DCPS: variants seen among roughly 807,000 people sequenced by gnomAD.
DCPS encodes the protein m7GpppX diphosphatase.
A neutral mutation model predicts 34.7 loss-of-function variants in DCPS; 27 were observed. The ratio of observed to expected loss-of-function variants is 0.78; its 90% CI spans 0.57 to 1.07. The LOEUF (loss-of-function observed/expected upper bound fraction) is 1.07, where lower values mean the gene tolerates loss of function less well. Ranked by LOEUF, DCPS falls within the 50% of genes least tolerant of loss-of-function variation. The pLI, the probability that DCPS is intolerant of heterozygous loss-of-function variation, is 0.00. For missense variants in DCPS, 464 were observed against 436.9 expected, an observed-to-expected ratio of 1.06 and a Z score of -0.55; for synonymous variants, 185 against 185.7, an observed-to-expected ratio of 1.00 and a Z score of 0.03.
In DCPS at chr11:126,349,585, G is replaced by A. The variant is rs751015515; in HGVS notation, c.*3972G>A. 4.3e-4 allele frequency among the ~76,000 whole-genome samples: 65 copies of A among 152,050 alleles called. No homozygotes were observed. Among genetic ancestry groups the A allele is most frequent in the Non-Finnish European group, 8.2e-4 (56 of 68,020 alleles). Reference sequence around the variant, plus strand: ...ATGTCCCTGTTGAATACAGATCCCCGAACTGAGAAATAAGAAACAACTACA... The same window carrying A: ...ATGTCCCTGTTGAATACAGATCCCCAAACTGAGAAATAAGAAACAACTACA... On this transcript the variant is annotated 3_prime_UTR_variant, in exon 6 of 6. Coordinates refer to ENST00000263579, the MANE Select transcript of DCPS (RefSeq NM_014026.6). This position sits in a 1 kb window ranked among gnomAD's most constrained non-coding sequence, Gnocchi z 5.4.
rs146532698 is a variant in DCPS at position 126,315,958 on chromosome 11, C to T, written c.376+9214C>T. On this transcript the variant is annotated intron_variant, in intron 2 of 5. Coordinates refer to ENST00000263579, the MANE Select transcript of DCPS (RefSeq NM_014026.6). The surrounding 1 kb of genome is among the most constrained non-coding windows in gnomAD (Gnocchi z 6.1). ...AAACTCCTGACCTCAAGTGATCTGC[C>T]CACCTCACCCTTTCAAAGTGCTGGG... 6.6e-6 allele frequency among the ~76,000 whole-genome samples: 1 copy of T among 152,096 alleles called. No homozygotes were observed. Among genetic ancestry groups the T allele is most frequent in the East Asian group, 1.9e-4 (1 of 5,180 alleles).
Position 126,348,635 on chromosome 11 carries a change from A to G in DCPS, c.*3022A>G, listed in dbSNP as rs1331387547. On this transcript the variant is annotated 3_prime_UTR_variant, in exon 6 of 6. Transcript: ENST00000263579. This position sits in a 1 kb window ranked among gnomAD's most constrained non-coding sequence, Gnocchi z 5.3. ...CTGTCTTTATTAGGGTGACCTTCAT[A>G]TCAGACTCCCAGGTAACTCAAGATG... 6.6e-6 allele frequency among the ~76,000 whole-genome samples: 1 copy of G among 152,212 alleles called. No individual in the cohort carries two copies. The highest frequency in any genetic ancestry group is 1.5e-5 in the Non-Finnish European group (1 of 68,030).
At chr11:126,326,309 G>A (rs2135322760) in intron 2 of DCPS, among the ~76,000 whole-genome samples, 1 of 152,260 alleles carries the variant, frequency 6.6e-6, no homozygotes, top group East Asian at 1.9e-4. Flanking sequence ...AAGGCCACCG[G>A]GCCTCTTCTG....
chr11:126,338,730 C>T lies in DCPS; in HGVS notation c.636+331C>T, dbSNP rs774275918. ...TGCTTCCACCCGCATCTGGAGCCCT[C>T]GGGTGGGGTGTTTCCATTTTCTCCA... On this transcript the variant is annotated intron_variant, in intron 4 of 5. Coordinates refer to ENST00000263579, the MANE Select transcript of DCPS (RefSeq NM_014026.6). The surrounding 1 kb of genome is among the most constrained non-coding windows in gnomAD (Gnocchi z 5.4). Among the ~76,000 whole-genome samples the T allele has an allele frequency of 6.6e-6, 1 of 152,206 alleles. No individual in the cohort carries two copies. Among genetic ancestry groups the T allele is most frequent in the South Asian group, 2.1e-4 (1 of 4,834 alleles).
intron 2 of DCPS, among the ~76,000 whole-genome samples, chr11:126,326,193 C>G (rs1951737228): frequency 6.6e-6 from 1 of 152,182 alleles, no homozygotes; most frequent in South Asian, 2.1e-4. Context: ...AGTTCTCTGG[C>G]TACCAGGAAG....
At position 126,304,164 on chromosome 11, in the gene DCPS, G is replaced by A; in HGVS notation, c.84G>A (p.Lys28=). 6.2e-7 allele frequency: 1 copy of A among 1,614,242 alleles called. No individual in the cohort carries two copies. Residue 28 remains lysine (K), a synonymous_variant, in exon 1 of 6, where the codon AAG becomes AAA. Transcript: ENST00000263579. ...EEAHAASTEE[K]EAGVGNGTCA... ...CCCACGCCGCCAGCACAGAGGAAAAGGAGGCAGGAGTTGGAAATGGTACCT... is the reference window on the plus strand; with the variant it reads ...CCCACGCCGCCAGCACAGAGGAAAAAGAGGCAGGAGTTGGAAATGGTACCT...
Position 126,325,714 on chromosome 11 carries a change from C to A in DCPS, c.377-5691C>A, listed in dbSNP as rs1951734314. 1.3e-5 allele frequency among the ~76,000 whole-genome samples: 2 copies of A among 152,162 alleles called. No individual in the cohort carries two copies. The highest frequency in any genetic ancestry group is 4.8e-5 in the African/African-American group (2 of 41,444). On this transcript the variant is annotated intron_variant, in intron 2 of 5. Coordinates refer to ENST00000263579, the MANE Select transcript of DCPS (RefSeq NM_014026.6). This position sits in a 1 kb window ranked among gnomAD's most constrained non-coding sequence, Gnocchi z 4.3. ...AAAAGACAAACACAGTGTTAAAAAG[C>A]ATGACAGGGGAACTCTGTAAGGAGT...
At chr11:126,339,842 C>T (rs1448823622) in intron 4 of DCPS, among the ~76,000 whole-genome samples, 1 of 152,200 alleles carries the variant, frequency 6.6e-6, no homozygotes, top group Non-Finnish European at 1.5e-5. Flanking sequence ...CCCCATCTGT[C>T]TTGTGGGGCT....
chr11:126,307,392 G>T (rs1951579247), intron 2 of DCPS, among the ~76,000 whole-genome samples: 1 of 151,658 alleles, frequency 6.6e-6, no homozygotes, highest in African/African-American at 2.4e-5. Context: ...GGGAGAGAGT[G>T]TGATTCATGG....
chr11:126,338,183 T>C lies in DCPS; in HGVS notation c.523-103T>C. ...GCGTGGCGGCCTTTTATGGCTTGGT[T>C]CTGTCTCCTGGAGAGGCCAGGGAAT... is the stretch of plus-strand genomic sequence containing the variant. On this transcript the variant is annotated intron_variant, in intron 3 of 5. Coordinates refer to ENST00000263579, the MANE Select transcript of DCPS (RefSeq NM_014026.6). The surrounding 1 kb of genome is among the most constrained non-coding windows in gnomAD (Gnocchi z 5.4). The C allele has an allele frequency of 1.8e-6, 2 of 1,093,568 alleles. No homozygotes were observed. Among genetic ancestry groups the C allele is most frequent in the Non-Finnish European group, 2.7e-6 (2 of 737,432 alleles). The allele number at this position is 1,093,568 out of a possible 1,614,324, so 67.7% of individuals were successfully genotyped here. A position where few individuals can be genotyped will look rare whatever the true frequency, so the allele number is the denominator to read the frequency against.
At position 126,313,653 on chromosome 11, in the gene DCPS, C is replaced by T. The variant is rs1951635148; in HGVS notation, c.376+6909C>T. 6.6e-6 allele frequency among the ~76,000 whole-genome samples: 1 copy of T among 152,078 alleles called. No homozygotes were observed. The highest frequency in any genetic ancestry group is 2.1e-4 in the South Asian group (1 of 4,826). On this transcript the variant is annotated intron_variant, in intron 2 of 5. Transcript: ENST00000263579. This position sits in a 1 kb window ranked among gnomAD's most constrained non-coding sequence, Gnocchi z 4.9. ...ACAATATACTGCCTAGGGATGCATA[C>T]ATGTGTAATAAGACTATGAGGACAA...
In DCPS at chr11:126,347,041, C is replaced by T. The variant is rs762036175; in HGVS notation, c.*1428C>T. ...GGAGGCGGAGGTTGCCGTGAGCCAC[C>T]GCACTTTGGCCTGGGTGACAGAGCA... On this transcript the variant is annotated 3_prime_UTR_variant, in exon 6 of 6. Transcript: ENST00000263579. The surrounding 1 kb of genome is among the most constrained non-coding windows in gnomAD (Gnocchi z 4.2). Among the ~76,000 whole-genome samples, 1 of 151,534 alleles carries T rather than the reference C, an allele frequency of 6.6e-6. No homozygotes were observed. Among genetic ancestry groups the T allele is most frequent in the Non-Finnish European group, 1.5e-5 (1 of 67,928 alleles).
intron 2 of DCPS, among the ~76,000 whole-genome samples, chr11:126,308,751 T>C (rs1464088160): frequency 9.0e-6 from 1 of 111,542 alleles, no homozygotes; most frequent in Non-Finnish European, 1.7e-5. Context: ...TTGGCCAAAA[T>C]TCAGAAGGTT....
intron 1 of DCPS, among the ~76,000 whole-genome samples, chr11:126,305,089 C>A (rs1458608392): frequency 6.6e-6 from 1 of 152,128 alleles, no homozygotes; most frequent in Non-Finnish European, 1.5e-5. Context: ...CTGTGTGTAT[C>A]TGGTTTTTAA....
chr11:126,342,827 C>T lies in DCPS; in HGVS notation c.637-480C>T, dbSNP rs1030850086. Among the ~76,000 whole-genome samples the T allele has an allele frequency of 1.3e-5, 2 of 152,124 alleles. No individual in the cohort carries two copies. The highest frequency in any genetic ancestry group is 4.8e-5 in the African/African-American group (2 of 41,394). ...GGGCGCGGTGGCTCACGCCTGTAAT[C>T]CCAGCACTTTGGGAGGCCGAGGCAG... On this transcript the variant is annotated intron_variant, in intron 4 of 5. Transcript: ENST00000263579. The surrounding 1 kb of genome is among the most constrained non-coding windows in gnomAD (Gnocchi z 4.4).
rs946555541 is a variant in DCPS, at chr11:126,328,850, T to G, written c.377-2555T>G. On this transcript the variant is annotated intron_variant, in intron 2 of 5. Transcript: ENST00000263579. This position sits in a 1 kb window ranked among gnomAD's most constrained non-coding sequence, Gnocchi z 6.6. ...TGTGAGGCACTTCCTGAATCTTTCC[T>G]TCTACTGACTCGTTTAATTCTCCCA... Among the ~76,000 whole-genome samples, 1 of 152,212 alleles carries G rather than the reference T, an allele frequency of 6.6e-6. No homozygotes were observed. The highest frequency in any genetic ancestry group is 2.4e-5 in the African/African-American group (1 of 41,454).
rs1412031619 is a variant in DCPS at position 126,347,331 on chromosome 11, C to T, written c.*1718C>T. ...CTCTGCCTCCTGGGTTCAAGTGATT[C>T]TCCTGCCTCAGCCTCCTGAGTAGCT... On this transcript the variant is annotated 3_prime_UTR_variant, in exon 6 of 6. Transcript: ENST00000263579. The surrounding 1 kb of genome is among the most constrained non-coding windows in gnomAD (Gnocchi z 4.2). 6.7e-6 allele frequency among the ~76,000 whole-genome samples: 1 copy of T among 150,290 alleles called. No individual in the cohort carries two copies. The highest frequency in any genetic ancestry group is 2.1e-4 in the East Asian group (1 of 4,860).
rs776438301 is a variant in DCPS, at chr11:126,338,853, G to A, written c.636+454G>A. Among the ~76,000 whole-genome samples the A allele has an allele frequency of 6.6e-5, 10 of 152,166 alleles. No homozygotes were observed. Among genetic ancestry groups the A allele is most frequent in the African/African-American group, 2.2e-4 (9 of 41,434 alleles). The stretch of plus-strand genomic sequence containing the variant: ...ACCCAAGGCATCTCCTCCTCAGCCC[G>A]AGCTGTGGAGTAGCTTAGCCCAGAC... On this transcript the variant is annotated intron_variant, in intron 4 of 5. Transcript: ENST00000263579. The surrounding 1 kb of genome is among the most constrained non-coding windows in gnomAD (Gnocchi z 5.4).
In DCPS at chr11:126,325,820, G is replaced by C. The variant is rs1349385856; in HGVS notation, c.377-5585G>C. Among the ~76,000 whole-genome samples the C allele has an allele frequency of 6.6e-6, 1 of 152,090 alleles. No individual in the cohort carries two copies. The highest frequency in any genetic ancestry group is 1.5e-5 in the Non-Finnish European group (1 of 68,022). ...TTTATGGTTATCCCAGGCTGTGTTTGGAGAATGCCAGCAGGAAGGCCAGGC... is the reference window on the plus strand; with the variant it reads ...TTTATGGTTATCCCAGGCTGTGTTTCGAGAATGCCAGCAGGAAGGCCAGGC... On this transcript the variant is annotated intron_variant, in intron 2 of 5. Coordinates refer to ENST00000263579, the MANE Select transcript of DCPS (RefSeq NM_014026.6). The surrounding 1 kb of genome is among the most constrained non-coding windows in gnomAD (Gnocchi z 4.3).
Sources: allele counts gnomAD v4.1 joint callset (sites outside exome capture counted in the v4.1 genomes callset), GRCh38; gene constraint gnomAD v4.1.1; non-coding constraint Gnocchi (gnomAD v3.1); transcripts MANE v1.5; gene names NCBI Gene and HGNC (gene_info 2026-07-23, HGNC 2026-07-21).